The following MBNL3 variants were observed in gnomAD, a reference collection of about 807,000 sequenced individuals.
MBNL3 encodes muscleblind like splicing regulator 3, also known as muscleblind-like protein 3.
A neutral mutation model predicts 24.5 loss-of-function variants in MBNL3; 6 were observed. The ratio of observed to expected loss-of-function variants is 0.25; its 90% CI spans 0.13 to 0.48. The LOEUF (loss-of-function observed/expected upper bound fraction) is 0.48. Among genes scored for constraint, MBNL3 ranks in the 20% least tolerant of loss-of-function variants. The probability of loss-of-function intolerance (pLI) is 0.99; values close to 1 mark genes in which losing one functional copy is unlikely to be tolerated. For synonymous variants in MBNL3, 100 were observed against 101.7 expected (o/e 0.98, Z 0.10); for missense variants, 230 against 293.5 (o/e 0.78, Z 1.58).
At chrX:132,396,022 GA>G (rs1938147239) in intron 3 of MBNL3, among the ~76,000 whole-genome samples, 1 of 109,889 alleles carries the variant, frequency 9.1e-6, no homozygotes, top group Non-Finnish European at 1.9e-5. Flanking sequence ...TTAAATGATT[GA>G]AAAAAATAAG....
intron 1 of MBNL3, among the ~76,000 whole-genome samples, chrX:132,459,390 T>A (rs891372494): frequency 1.8e-5 from 2 of 111,121 alleles, no homozygotes; most frequent in African/African-American, 6.5e-5. Flanking sequence ...AACATAAATT[T>A]GATTTTTAAA....
chrX:132,419,372 T>C (rs1293022819), intron 2 of MBNL3, among the ~76,000 whole-genome samples: 1 of 111,688 alleles, frequency 9.0e-6, no homozygotes, highest in Non-Finnish European at 1.9e-5. Flanking sequence ...ATCACCTCCC[T>C]AAGAGAAGAA....
At chrX:132,450,717 A>G (rs1946057102) in intron 1 of MBNL3, among the ~76,000 whole-genome samples, 1 of 111,356 alleles carries the variant, frequency 9.0e-6, no homozygotes, top group African/African-American at 3.3e-5. Flanking sequence ...GCTGGCGAGG[A>G]GTTGTGATCC....
intron 5 of MBNL3, among the ~76,000 whole-genome samples, chrX:132,390,607 T>C (rs1937030559): frequency 9.0e-6 from 1 of 111,460 alleles, no homozygotes; most frequent in African/African-American, 3.3e-5. Context: ...ACTCTGAAAA[T>C]GGGAGAAAGA....
intron 1 of MBNL3, among the ~76,000 whole-genome samples, chrX:132,446,073 G>T (rs1260531085): frequency 9.0e-6 from 1 of 111,688 alleles, no homozygotes; most frequent in Non-Finnish European, 1.9e-5. Context: ...GTGTTAGTTT[G>T]CTGAGAATGA....
Position 132,386,689 on chromosome X carries a change from C to G in MBNL3, c.894G>C (p.Gln298His). Residue 298 changes from glutamine to histidine, a missense_variant, in exon 6 of 9, where the codon CAG becomes CAC. Transcript: ENST00000370853. ...FHCQQALTNL[Q>H]LPQPAFIPAG... ...CAGGGATAAATGCCGGCTGTGGGAGCTGCAGGTTAGTCAGAGCCTGTTGGC... is the reference window on the plus strand; with the variant it reads ...CAGGGATAAATGCCGGCTGTGGGAGGTGCAGGTTAGTCAGAGCCTGTTGGC... 8.3e-7 allele frequency: 1 copy of G among 1,210,671 alleles called. No homozygotes were observed. The highest frequency in any genetic ancestry group is 1.1e-6 in the Non-Finnish European group (1 of 895,464).
At chrX:132,468,297 C>CA in intron 1 of MBNL3, among the ~76,000 whole-genome samples, 1 of 112,258 alleles carries the variant, frequency 8.9e-6, no homozygotes, top group Middle Eastern at 4.6e-3. Context: ...TTATAAAACT[C>CA]TGTGACCACG....
intron 5 of MBNL3, among the ~76,000 whole-genome samples, chrX:132,389,265 G>A (rs1639944520): frequency 8.9e-6 from 1 of 112,040 alleles, no homozygotes; most frequent in South Asian, 3.7e-4. Flanking sequence ...GATCCTTCAC[G>A]ATGTAATGAG....
chrX:132,409,670 A>G (rs1352621731), intron 2 of MBNL3, among the ~76,000 whole-genome samples: 1 of 111,443 alleles, frequency 9.0e-6, no homozygotes, highest in Non-Finnish European at 1.9e-5. Context: ...CTGTAAACGT[A>G]CCTACAACAG....
chrX:132,392,158 A>T lies in MBNL3; in HGVS notation c.519T>A (p.Arg173=). 1 of 1,204,134 alleles carries T rather than the reference A, an allele frequency of 8.3e-7. No homozygotes were observed. The highest frequency in any genetic ancestry group is 1.1e-6 in the Non-Finnish European group (1 of 892,115). ...MPGAVGPKLM[R]SDKLEVCREF... Reference sequence around the variant, plus strand: ...TCACAAATACCTCCAGTTTATCTGAACGCATCAGTTTTGGGCCAACAGCTC... The same window carrying T: ...TCACAAATACCTCCAGTTTATCTGATCGCATCAGTTTTGGGCCAACAGCTC... The change falls in exon 4 of 9, where the codon CGT becomes CGA. Residue 173 remains arginine (R), a synonymous_variant. Transcript: ENST00000370853.
In MBNL3 at chrX:132,379,322, A is replaced by G. The variant is rs2148019338; in HGVS notation, c.*344T>C. 5.3e-6 allele frequency: 1 copy of G among 188,146 alleles called. No homozygotes were observed. The highest frequency in any genetic ancestry group is 2.1e-4 in the South Asian group (1 of 4,704). 15.5% of individuals were successfully genotyped at this position (188,146 alleles called of 1,213,427 possible). A position where few individuals can be genotyped will look rare whatever the true frequency, so the allele number is the denominator to read the frequency against. ...CAATTTATCCACCAAGAATGTATAT[A>G]GTAAGCCAAAAGCTCACTGTGGAAA... is the stretch of plus-strand genomic sequence containing the variant. On this transcript the variant is annotated 3_prime_UTR_variant, in exon 9 of 9. Transcript: ENST00000370853.
intron 3 of MBNL3, among the ~76,000 whole-genome samples, chrX:132,403,608 A>G (rs1245658461): frequency 8.9e-6 from 1 of 111,919 alleles, no homozygotes; most frequent in African/African-American, 3.2e-5. Flanking sequence ...GGAAAGCACA[A>G]TGGATTTCTT....
intron 8 of MBNL3, 143 bp from the exon 9 acceptor site, chrX:132,379,820 G>C: frequency 4.3e-6 from 2 of 463,212 alleles, no homozygotes; most frequent in Non-Finnish European, 7.4e-6. Flanking sequence ...ATTTCAGATT[G>C]AAATGGGGCT....
intron 2 of MBNL3, among the ~76,000 whole-genome samples, chrX:132,435,662 C>T (rs1186440921): frequency 9.0e-6 from 1 of 111,600 alleles, no homozygotes; most frequent in Non-Finnish European, 1.9e-5. Flanking sequence ...TTATTTTTCT[C>T]GTGATCATAT....
rs1019715573 is a variant in MBNL3 at position 132,373,935 on chromosome X, A to C, written c.*5731T>G. ...GCTTCCACTGAACAGGTATAATGTA[A>C]ATGAAGCCAGTTATAAAGTTGTGCC... On this transcript the variant is annotated 3_prime_UTR_variant, in exon 9 of 9. Coordinates refer to ENST00000370853, the MANE Select transcript of MBNL3 (RefSeq NM_001386889.1). The C allele has an allele frequency of 8.9e-6, 1 of 111,745 alleles. No homozygotes were observed. Among genetic ancestry groups the C allele is most frequent in the African/African-American group, 3.2e-5 (1 of 30,802 alleles). 9.2% of individuals were successfully genotyped at this position (111,745 alleles called of 1,213,427 possible). A position where few individuals can be genotyped will look rare whatever the true frequency, so the allele number is the denominator to read the frequency against.
At chrX:132,396,969 TGA>T (rs1344834053) in intron 3 of MBNL3, among the ~76,000 whole-genome samples, 118 of 80,376 alleles carry the variant, frequency 1.5e-3, no homozygotes, top group African/African-American at 4.9e-3. Flanking sequence ...CATATATATA[TGA>T]ATATATATGA....
intron 2 of MBNL3, among the ~76,000 whole-genome samples, chrX:132,428,981 AT>A (rs1229755798): frequency 8.9e-6 from 1 of 112,005 alleles, no homozygotes; most frequent in Non-Finnish European, 1.9e-5. Flanking sequence ...CAAATTTCCA[AT>A]TTCCAAATCT....
chrX:132,392,640 T>G (rs1937374879), intron 3 of MBNL3, among the ~76,000 whole-genome samples: 1 of 112,483 alleles, frequency 8.9e-6, no homozygotes, highest in Admixed American at 9.4e-5. Context: ...CTCCAACTCT[T>G]TCTTTATTCC....
intron 5 of MBNL3, among the ~76,000 whole-genome samples, chrX:132,388,003 A>T (rs1184208622): frequency 9.0e-6 from 1 of 111,482 alleles, no homozygotes; most frequent in Non-Finnish European, 1.9e-5. Flanking sequence ...TACTTAAAAA[A>T]CATGTCCCAG....
Sources: gnomAD v4.1 joint callset for allele counts (sites outside exome capture counted in the v4.1 genomes callset) on GRCh38, gnomAD v4.1.1 for gene constraint, MANE v1.5 for transcripts, NCBI Gene and HGNC (gene_info 2026-07-23, HGNC 2026-07-21) for gene names.